Variants in NCOA2 observed in about 807,000 individuals in gnomAD.
NCOA2 encodes nuclear receptor coactivator 2.
Under a neutral mutation model 145.1 loss-of-function variants are expected in NCOA2, and 21 were observed. The ratio of observed to expected loss-of-function variants is 0.14; its 90% CI spans 0.10 to 0.21. The LOEUF is 0.21. Ranked by LOEUF, NCOA2 falls within the 10% of genes least tolerant of loss-of-function variation. The probability of loss-of-function intolerance (pLI) is 1.00; values close to 1 mark genes in which losing one functional copy is unlikely to be tolerated. For synonymous variants in NCOA2, 619 were observed against 637.5 expected (o/e 0.97, Z 0.44); for missense variants, 1,472 against 1,837.6 (o/e 0.80, Z 3.64).
chr8:70,319,698 T>C (rs1406202679), intron 1 of NCOA2, among the ~76,000 whole-genome samples: 2 of 152,218 alleles, frequency 1.3e-5, no homozygotes, highest in Admixed American at 6.5e-5. Flanking sequence ...TTTAAAATTA[T>C]TGTTAAAAAT....
At chr8:70,422,538 G>A in the NCOA2 span, among the ~76,000 whole-genome samples, 2 of 151,952 alleles carry the variant, frequency 1.3e-5, no homozygotes, top group African/African-American at 4.8e-5. Flanking sequence ...AGCCTCCCAA[G>A]TAGCTAGGAC....
At chr8:70,172,794 A>G (rs1362763907) in intron 5 of NCOA2, among the ~76,000 whole-genome samples, 2 of 152,226 alleles carry the variant, frequency 1.3e-5, no homozygotes, top group Non-Finnish European at 2.9e-5. Context: ...ATACCACAGT[A>G]AAAAGACTGA....
chr8:70,240,406 G>C (rs1223080095), intron 2 of NCOA2, among the ~76,000 whole-genome samples: 1 of 152,102 alleles, frequency 6.6e-6, no homozygotes, highest in African/African-American at 2.4e-5. Context: ...GCCCATTGTA[G>C]GTACTCCACA....
chr8:70,453,293 G>C, the NCOA2 span, among the ~76,000 whole-genome samples: 1 of 152,212 alleles, frequency 6.6e-6, no homozygotes, highest in African/African-American at 2.4e-5. Flanking sequence ...CCCAATGTCA[G>C]AGTCTGGGGC....
the NCOA2 span, among the ~76,000 whole-genome samples, chr8:70,438,384 T>C: frequency 6.6e-6 from 1 of 152,204 alleles, no homozygotes; most frequent in East Asian, 1.9e-4. Context: ...CATTCTTTTT[T>C]CTTCCTCTTT....
At chr8:70,375,803 T>C (rs754800764) in intron 1 of NCOA2, among the ~76,000 whole-genome samples, 86 of 152,312 alleles carry the variant, frequency 5.6e-4, no homozygotes, top group African/African-American at 1.9e-3. Flanking sequence ...AACCTTTTAA[T>C]AGCAGAAAAT....
chr8:70,159,696 A>AT, intron 9 of NCOA2, 44 bp from the exon 10 acceptor site: 1 of 1,572,802 alleles, frequency 6.4e-7, no homozygotes, highest in Non-Finnish European at 8.7e-7. Context: ...AGAAAAAAAA[A>AT]TTGAGGGGTC....
chr8:70,402,865 G>A lies in NCOA2; in HGVS notation c.-77+835C>T, dbSNP rs1342023534. ...GGGCGAGCCCGGCTCGGCGCCGCCGGGGCCCGGCCCCCGGCTCCCCGCCCC... is the reference window on the plus strand; with the variant it reads ...GGGCGAGCCCGGCTCGGCGCCGCCGAGGCCCGGCCCCCGGCTCCCCGCCCC... On this transcript the variant is annotated intron_variant, in intron 1 of 22. Transcript: ENST00000452400. Among the ~76,000 whole-genome samples the A allele has an allele frequency of 4.9e-5, 7 of 143,294 alleles. No individual in the cohort carries two copies. The South Asian group carries it at 1.5e-3, about 31-fold the overall frequency. The allele number at this position is 143,294 out of a possible 152,430, so 94.0% of individuals were successfully genotyped here. A position where few individuals can be genotyped will look rare whatever the true frequency, so the allele number is the denominator to read the frequency against.
chr8:70,216,727 T>G lies in NCOA2; in HGVS notation c.19A>C (p.Asn7His). The G allele has an allele frequency of 6.2e-7, 1 of 1,613,404 alleles. No individual in the cohort carries two copies. The highest frequency in any genetic ancestry group is 1.1e-5 in the South Asian group (1 of 91,076). Residue 7 changes from asparagine (N) to histidine (H), a missense_variant, in exon 3 of 23, where the codon AAT (asparagine) becomes CAT (histidine). Coordinates refer to ENST00000452400, the MANE Select transcript of NCOA2 (RefSeq NM_006540.4). MSGMGE[N>H]TSDPSRAETR... is the part of the protein sequence containing the mutation. ...TCTGCCCTGGAGGGGTCAGAGGTAT[T>G]TTCTCCCATCCCACTCATCTTGAAC...
chr8:70,313,345 C>A (rs1805281822), intron 1 of NCOA2, among the ~76,000 whole-genome samples: 1 of 152,150 alleles, frequency 6.6e-6, no homozygotes, highest in Non-Finnish European at 1.5e-5. Context: ...TTTCTTTTTA[C>A]TTCTAACTAA....
intron 2 of NCOA2, among the ~76,000 whole-genome samples, chr8:70,253,566 AAAAACAAAAC>A (rs896078050): frequency 3.9e-4 from 60 of 152,088 alleles, no homozygotes; most frequent in African/African-American, 1.4e-3. Context: ...CCGCCCAGAA[AAAAACAAAAC>A]AAAACAAAAC....
intron 5 of NCOA2, 74 bp downstream of exon 5, chr8:70,174,682 C>T: frequency 7.4e-7 from 1 of 1,349,622 alleles, no homozygotes; most frequent in Non-Finnish European, 1.1e-6. Flanking sequence ...AAATTATATT[C>T]ACCTGAAATT....
intron 1 of NCOA2, among the ~76,000 whole-genome samples, chr8:70,301,802 C>T (rs1192414371): frequency 6.6e-6 from 1 of 151,730 alleles, no homozygotes; most frequent in Non-Finnish European, 1.5e-5. Flanking sequence ...ACAACTATCA[C>T]ACTTCATGTT....
At chr8:70,124,396 A>C (rs184893642) in intron 20 of NCOA2, among the ~76,000 whole-genome samples, 4 of 151,658 alleles carry the variant, frequency 2.6e-5, no homozygotes, top group Admixed American at 2.0e-4. Flanking sequence ...CATGCAAGCG[A>C]TATCAAGCAA....
chr8:70,341,333 G>A (rs981092193), intron 1 of NCOA2, among the ~76,000 whole-genome samples: 11 of 152,278 alleles, frequency 7.2e-5, no homozygotes, highest in African/African-American at 2.6e-4. Flanking sequence ...GTTAGGATAA[G>A]CTATGACTGT....
chr8:70,232,020 C>A (rs916773403), intron 2 of NCOA2, among the ~76,000 whole-genome samples: 2 of 152,186 alleles, frequency 1.3e-5, no homozygotes, highest in African/African-American at 4.8e-5. Flanking sequence ...TCAACTCCAA[C>A]GAAGTTCACC....
chr8:70,148,098 G>A (rs1279623769), intron 12 of NCOA2, among the ~76,000 whole-genome samples, 175 bp downstream of exon 12: 1 of 152,192 alleles, frequency 6.6e-6, no homozygotes, highest in African/African-American at 2.4e-5. Context: ...AGAGAACCAT[G>A]CTCAGGAGGA....
rs1392600967 is a variant in NCOA2 at position 70,166,737 on chromosome 8, A to T, written c.559T>A (p.Ser187Thr). ...PKSIVNGGSW[S>T]GEPPRRNSHT... ...CTGTTCCGCCTCGGAGGTTCGCCAG[A>T]CCAAGATCCCCCATTTACTGAGCAA... The change falls in exon 7 of 23, where the codon TCT becomes ACT. Residue 187 changes from serine to threonine, a missense_variant. By Grantham distance (58) the Ser-to-Thr change is moderately conservative. Coordinates refer to ENST00000452400, the MANE Select transcript of NCOA2 (RefSeq NM_006540.4). 27 of 1,613,834 alleles carry T rather than the reference A, an allele frequency of 1.7e-5. No homozygotes were observed. The highest frequency in any genetic ancestry group is 2.2e-5 in the Non-Finnish European group (26 of 1,179,852).
At chr8:70,375,566 T>A (rs1355022061) in intron 1 of NCOA2, among the ~76,000 whole-genome samples, 1 of 152,194 alleles carries the variant, frequency 6.6e-6, no homozygotes, top group Non-Finnish European at 1.5e-5. Context: ...TCAACACATT[T>A]GTAATAAAAT....
Sources: allele counts gnomAD v4.1 joint callset (sites outside exome capture counted in the v4.1 genomes callset), GRCh38; gene constraint gnomAD v4.1.1; transcripts MANE v1.5; gene names NCBI Gene and HGNC (gene_info 2026-07-23, HGNC 2026-07-21).